RASA3: variants seen among roughly 807,000 people sequenced by gnomAD.
RASA3 encodes ras GTPase-activating protein 3.
Under a neutral mutation model 110.0 loss-of-function variants are expected in RASA3, and 73 were observed. The observed-to-expected ratio is 0.66, with a 90% CI of 0.55 to 0.81. The LOEUF is 0.81. RASA3 is among the 30% of genes least tolerant of loss of function. RASA3 has a pLI of 0.00. For synonymous variants in RASA3, 500 were observed against 451.4 expected (o/e 1.11, Z -1.37); for missense variants, 976 against 1,113.2 (o/e 0.88, Z 1.75).
chr13:114,050,689 C>T (rs376716198), intron 3 of RASA3, among the ~76,000 whole-genome samples: 16 of 152,368 alleles, frequency 1.1e-4, no homozygotes, highest in African/African-American at 3.6e-4. Context: ...GCTGTGGAGG[C>T]CCGGGACATG....
At chr13:114,118,383 CTAATA>C (rs894164828) in intron 1 of RASA3, among the ~76,000 whole-genome samples, 7 of 152,154 alleles carry the variant, frequency 4.6e-5, no homozygotes, top group African/African-American at 1.7e-4. Context: ...TTTACTCTAA[CTAATA>C]TTTGTAATTA....
In RASA3 at chr13:114,117,731, TGAG is replaced by T. The variant is rs1292934885; in HGVS notation, c.55+14701_55+14703del. ...CACGTGTGTGAGGGATGCATGTGTGTGAGGAGAGCACGTGTGTGAGGGATGCAC... is the reference window on the plus strand; with the variant it reads ...CACGTGTGTGAGGGATGCATGTGTGTGAGAGCACGTGTGTGAGGGATGCAC... On this transcript the variant is annotated intron_variant, in intron 1 of 23. Transcript: ENST00000334062. Among the ~76,000 whole-genome samples the T allele has an allele frequency of 1.5e-4, 15 of 99,712 alleles. No homozygotes were observed. In the East Asian group the frequency reaches 2.8e-3, roughly 19 times the overall value. The allele number at this position is 99,712 out of a possible 152,430, so 65.4% of individuals were successfully genotyped here. A position where few individuals can be genotyped will look rare whatever the true frequency, so the allele number is the denominator to read the frequency against.
chr13:114,126,301 G>C (rs1306895250), intron 1 of RASA3, among the ~76,000 whole-genome samples: 1 of 152,108 alleles, frequency 6.6e-6, no homozygotes, highest in South Asian at 2.1e-4. Flanking sequence ...TCAACCCATC[G>C]GCCAGAGGCC....
At chr13:114,099,106 C>T (rs1357411819) in intron 1 of RASA3, among the ~76,000 whole-genome samples, 1 of 13,706 alleles carries the variant, frequency 7.3e-5, no homozygotes, top group Non-Finnish European at 1.5e-4. Flanking sequence ...AGTCGGGGCC[C>T]GGCCACCCGA....
chr13:114,059,294 A>G (rs2079298631), intron 2 of RASA3, among the ~76,000 whole-genome samples: 1 of 152,016 alleles, frequency 6.6e-6, no homozygotes, highest in Admixed American at 6.5e-5. Flanking sequence ...GCTCCCCCCA[A>G]CCTAATTCAG....
At chr13:113,988,681 A>G (rs557073449) in intron 22 of RASA3, among the ~76,000 whole-genome samples, 1 of 58,998 alleles carries the variant, frequency 1.7e-5, no homozygotes, top group Non-Finnish European at 2.9e-5. Flanking sequence ...CCATCTGTCC[A>G]TCCACCCATT....
intron 4 of RASA3, among the ~76,000 whole-genome samples, chr13:114,038,237 G>A (rs1204203877): frequency 6.6e-6 from 1 of 152,256 alleles, no homozygotes; most frequent in East Asian, 1.9e-4. Context: ...AAGAGCTGGG[G>A]AACTCGCCGA....
intron 1 of RASA3, among the ~76,000 whole-genome samples, chr13:114,127,961 C>T (rs143389718): frequency 9.8e-5 from 15 of 152,312 alleles, no homozygotes; most frequent in Non-Finnish European, 1.9e-4. Context: ...CACCCACACA[C>T]GCACAAGAAA....
At chr13:114,016,631 G>C (rs1255956695) in intron 12 of RASA3, among the ~76,000 whole-genome samples, 1 of 152,220 alleles carries the variant, frequency 6.6e-6, no homozygotes, top group African/African-American at 2.4e-5. Flanking sequence ...GCGATCAGAC[G>C]AATCGGGCTT....
intron 1 of RASA3, among the ~76,000 whole-genome samples, chr13:114,120,528 G>A (rs11616362): frequency 3.5e-4 from 18 of 51,474 alleles, no homozygotes; most frequent in South Asian, 1.1e-3. Flanking sequence ...CCAGACGTCG[G>A]TCAGGGCCCC....
chr13:114,007,655 G>T, intron 17 of RASA3, 49 bp from the exon 18 acceptor site: 1 of 1,431,758 alleles, frequency 7.0e-7, no homozygotes. Context: ...CACATCTGAC[G>T]TGCACGGCTC....
chr13:114,064,558 C>T (rs1365813721), intron 2 of RASA3, among the ~76,000 whole-genome samples: 2 of 152,200 alleles, frequency 1.3e-5, no homozygotes, highest in East Asian at 3.9e-4. Flanking sequence ...TTTGTGCTTT[C>T]TCCTTCCTGG....
At chr13:114,024,678 G>T (rs1208704746) in intron 7 of RASA3, among the ~76,000 whole-genome samples, 1 of 152,218 alleles carries the variant, frequency 6.6e-6, no homozygotes, top group Non-Finnish European at 1.5e-5. Flanking sequence ...CGCCTGCTCT[G>T]GGCCTGCCAC....
intron 2 of RASA3, among the ~76,000 whole-genome samples, chr13:114,058,303 C>T (rs2079279858): frequency 6.6e-6 from 1 of 152,170 alleles, no homozygotes; most frequent in South Asian, 2.1e-4. Flanking sequence ...CACCACCATC[C>T]ACGCGTCCAG....
Position 114,065,193 on chromosome 13 carries a change from G to T in RASA3, c.173+8527C>A, listed in dbSNP as rs142789684. ...AGCTGGGACCAGCAGAGAAACCCCC[G>T]CCTTCTCCTCCCTGAGTCACTTCCC... is the stretch of plus-strand genomic sequence containing the variant. On this transcript the variant is annotated intron_variant, in intron 2 of 23. Coordinates refer to ENST00000334062, the MANE Select transcript of RASA3 (RefSeq NM_007368.4). The surrounding 1 kb of genome is among the most constrained non-coding windows in gnomAD (Gnocchi z 4.1). Among the ~76,000 whole-genome samples the T allele has an allele frequency of 9.9e-5, 15 of 152,198 alleles. No individual in the cohort carries two copies. Among genetic ancestry groups the T allele is most frequent in the African/African-American group, 3.6e-4 (15 of 41,462 alleles).
At chr13:114,073,140 G>A (rs1170652801) in intron 2 of RASA3, among the ~76,000 whole-genome samples, 3 of 150,210 alleles carry the variant, frequency 2.0e-5, no homozygotes, top group African/African-American at 7.4e-5. Flanking sequence ...GGACGGTGAT[G>A]TACATGCTTG....
intron 1 of RASA3, among the ~76,000 whole-genome samples, chr13:114,082,620 G>A (rs907353311): frequency 3.3e-5 from 5 of 152,324 alleles, no homozygotes; most frequent in African/African-American, 1.2e-4. Flanking sequence ...TCTCCCAGCT[G>A]CGTCCCGTCT....
At chr13:114,074,372 A>C (rs2079631347) in intron 1 of RASA3, among the ~76,000 whole-genome samples, 1 of 152,194 alleles carries the variant, frequency 6.6e-6, no homozygotes. Context: ...CGGGATCCAC[A>C]GGACGTGTCC....
chr13:114,014,772 C>T lies in RASA3; in HGVS notation c.1405+437G>A, dbSNP rs1250436599. Among the ~76,000 whole-genome samples the T allele has an allele frequency of 6.6e-6, 1 of 152,118 alleles. No homozygotes were observed. The highest frequency in any genetic ancestry group is 2.4e-5 in the African/African-American group (1 of 41,430). ...CACGGGCAGGCAGAGCCCCCAACAC[C>T]ACTCTGGGCCCTGCCAGGGTCGGCC... On this transcript the variant is annotated intron_variant, in intron 14 of 23. Coordinates refer to ENST00000334062, the MANE Select transcript of RASA3 (RefSeq NM_007368.4). The surrounding 1 kb of genome is among the most constrained non-coding windows in gnomAD (Gnocchi z 4.5).
Sources: gnomAD v4.1 joint callset for allele counts (sites outside exome capture counted in the v4.1 genomes callset) on GRCh38, gnomAD v4.1.1 for gene constraint, Gnocchi (gnomAD v3.1) non-coding constraint, MANE v1.5 for transcripts, NCBI Gene and HGNC (gene_info 2026-07-23, HGNC 2026-07-21) for gene names.